WDR11: variants seen among roughly 807,000 people sequenced by gnomAD.
WDR11 encodes the protein WD repeat domain 11.
In WDR11, 83 loss-of-function variants were observed where a neutral mutation model predicts 151.2. That is an observed-to-expected ratio of 0.55 (90% CI 0.46 to 0.66). The LOEUF is 0.66. WDR11 is among the 30% of genes least tolerant of loss of function. The pLI, the probability that WDR11 is intolerant of heterozygous loss-of-function variation, is 0.00. For missense variants in WDR11, 1,301 were observed against 1,480.9 expected, an observed-to-expected ratio of 0.88 and a Z score of 1.99; for synonymous variants, 484 against 533.1, an observed-to-expected ratio of 0.91 and a Z score of 1.27.
At chr10:120,895,502 G>A (rs537197302) in intron 19 of WDR11, among the ~76,000 whole-genome samples, 1 of 151,418 alleles carries the variant, frequency 6.6e-6, no homozygotes, top group South Asian at 2.1e-4. Context: ...AGATGACTAA[G>A]TGGAAATTAA....
rs549149910 is a variant in WDR11, at chr10:120,903,927, A to G, written c.2932-120A>G. 609 of 681,012 alleles carry G rather than the reference A, an allele frequency of 8.9e-4. 7 individuals carry two copies. The South Asian group carries it at 0.01, about 12-fold the overall frequency. The allele number at this position is 681,012 out of a possible 1,614,324, so 42.2% of individuals were successfully genotyped here. On this transcript the variant is annotated intron_variant, in intron 23 of 28. Coordinates refer to ENST00000263461, the MANE Select transcript of WDR11 (RefSeq NM_018117.12). ...TGTTTGGGGTGCTGTAAAGTTGATTATCTAGTAACCTGAAAAGTCAAAGTA... is the reference window on the plus strand; with the variant it reads ...TGTTTGGGGTGCTGTAAAGTTGATTGTCTAGTAACCTGAAAAGTCAAAGTA...
At chr10:120,878,939 A>T (rs1341512873) in intron 12 of WDR11, 2 of 153,216 alleles carry the variant, frequency 1.3e-5, no homozygotes, top group African/African-American at 4.8e-5. Flanking sequence ...GATTTTGAAG[A>T]TTCTACAGTA....
intron 19 of WDR11, among the ~76,000 whole-genome samples, chr10:120,898,334 A>C (rs1847686226): frequency 6.6e-6 from 1 of 152,244 alleles, no homozygotes; most frequent in African/African-American, 2.4e-5. Flanking sequence ...TTTTCAGTTG[A>C]AAAAGTAGGC....
intron 10 of WDR11, among the ~76,000 whole-genome samples, chr10:120,872,296 A>G (rs747547874): frequency 1.3e-5 from 2 of 152,206 alleles, no homozygotes; most frequent in Admixed American, 6.5e-5. Flanking sequence ...ATGCAGATAA[A>G]TGTTTAATTT....
intron 2 of WDR11, among the ~76,000 whole-genome samples, chr10:120,857,409 C>T (rs2133728832): frequency 6.6e-6 from 1 of 152,258 alleles, no homozygotes; most frequent in Middle Eastern, 3.4e-3. Flanking sequence ...TTGACAAATA[C>T]AGAATCTATA....
intron 23 of WDR11, among the ~76,000 whole-genome samples, chr10:120,903,452 G>A (rs1847909126): frequency 6.6e-6 from 1 of 151,396 alleles, no homozygotes; most frequent in African/African-American, 2.4e-5. Context: ...GGAGGTTGCA[G>A]TGAGCTGAGA....
chr10:120,906,720 T>G lies in WDR11; in HGVS notation c.3438-56T>G, dbSNP rs1848066903. The G allele has an allele frequency of 2.5e-6, 4 of 1,613,788 alleles. No homozygotes were observed. In the Admixed American group the frequency reaches 5.0e-5, roughly 20 times the overall value. ...ATGTCTTTATACCCTTCGATGCTGC[T>G]GCCCACCAGTGATGTAAATCACAAA... On this transcript the variant is annotated intron_variant, in intron 27 of 28. Coordinates refer to ENST00000263461, the MANE Select transcript of WDR11 (RefSeq NM_018117.12).
chr10:120,858,870 T>A, intron 3 of WDR11, 74 bp downstream of exon 3: 1 of 1,549,542 alleles, frequency 6.5e-7, no homozygotes, highest in Non-Finnish European at 8.9e-7. Context: ...GTTTTGGGGG[T>A]TTTCCCCCAT....
intron 16 of WDR11, among the ~76,000 whole-genome samples, chr10:120,887,936 T>A (rs980841638): frequency 6.6e-6 from 1 of 151,654 alleles, no homozygotes; most frequent in African/African-American, 2.4e-5. Context: ...TTCTTTAATA[T>A]TTTTTTTTAT....
At position 120,908,730 on chromosome 10, in the gene WDR11, A is replaced by G. The variant is rs1431663380; in HGVS notation, c.*17A>G. ...GAAGAGTGACAGCTTAATAAATGCC[A>G]GGGAATCTGACCTGGAAGGCAGATG... On this transcript the variant is annotated 3_prime_UTR_variant, in exon 29 of 29. Coordinates refer to ENST00000263461, the MANE Select transcript of WDR11 (RefSeq NM_018117.12). 2 of 1,613,714 alleles carry G rather than the reference A, an allele frequency of 1.2e-6. No homozygotes were observed. The highest frequency in any genetic ancestry group is 2.2e-5 in the South Asian group (2 of 91,062).
At position 120,908,393 on chromosome 10, in the gene WDR11, C is replaced by T. The variant is rs116793140; in HGVS notation, c.3518-163C>T. 3.1e-3 allele frequency: 2,175 copies of T among 707,568 alleles called. 30 individuals are homozygous for T. The African/African-American group carries it at 0.033, about 11-fold the overall frequency. The allele number at this position is 707,568 out of a possible 1,614,324, so 43.8% of individuals were successfully genotyped here. A position where few individuals can be genotyped will look rare whatever the true frequency, so the allele number is the denominator to read the frequency against. ...CTATGGCCGGGAATCACCCTCTGCCCGCGAAAAGTCTCCTGTGTTCATCCT... is the reference window on the plus strand; with the variant it reads ...CTATGGCCGGGAATCACCCTCTGCCTGCGAAAAGTCTCCTGTGTTCATCCT... On this transcript the variant is annotated intron_variant, in intron 28 of 28. Transcript: ENST00000263461.
intron 28 of WDR11, among the ~76,000 whole-genome samples, chr10:120,907,142 T>C (rs887755876): frequency 5.9e-5 from 9 of 152,062 alleles, no homozygotes; most frequent in African/African-American, 1.4e-4. Context: ...AAAAAGAAGA[T>C]GAAGGAATGA....
At chr10:120,875,185 G>T (rs1254158) in intron 11 of WDR11, among the ~76,000 whole-genome samples, 8,117 of 152,158 alleles carry the variant, frequency 0.053, 275 homozygotes, top group Non-Finnish European at 0.065. Flanking sequence ...TTTCTATAAC[G>T]ATCCATCAGT....
Position 120,858,781 on chromosome 10 carries a change from G to A in WDR11, c.337G>A (p.Ala113Thr). 6.2e-7 allele frequency: 1 copy of A among 1,614,198 alleles called. No individual in the cohort carries two copies. The highest frequency in any genetic ancestry group is 8.5e-7 in the Non-Finnish European group (1 of 1,180,030). ...GVAQCEIQEH[A>T]KPIQDVQWLW... Reference sequence around the variant, plus strand: ...AGCTCAGTGTGAGATCCAAGAGCATGCCAAGCCTATCCAGGGTGAGGAAAG... The same window carrying A: ...AGCTCAGTGTGAGATCCAAGAGCATACCAAGCCTATCCAGGGTGAGGAAAG... Residue 113 changes from alanine (A) to threonine (T), a missense_variant, in exon 3 of 29, where the codon GCC (alanine) becomes ACC (threonine). Transcript: ENST00000263461.
intron 1 of WDR11, chr10:120,852,032 A>C: frequency 4.6e-6 from 1 of 218,682 alleles, no homozygotes; most frequent in Non-Finnish European, 9.2e-6. Context: ...CTTTCACTAT[A>C]AATTACTACT....
Position 120,858,754 on chromosome 10 carries a change from G to A in WDR11, c.310G>A (p.Val104Ile). The A allele has an allele frequency of 1.2e-6, 2 of 1,614,202 alleles. No homozygotes were observed. Among genetic ancestry groups the A allele is most frequent in the Non-Finnish European group, 1.7e-6 (2 of 1,180,032 alleles). The change falls in exon 3 of 29, where the codon GTA becomes ATA. Residue 104 changes from valine (V) to isoleucine (I), a missense_variant. By Grantham distance (29) the Val-to-Ile change is conservative. This residue lies in a region of WDR11 where 692 missense variants were observed against 762.5 expected (regional missense o/e 0.91). Coordinates refer to ENST00000263461, the MANE Select transcript of WDR11 (RefSeq NM_018117.12). ...CATCGTCTGGGATGTAGCAGCAGGA[G>A]TAGCTCAGTGTGAGATCCAAGAGCA... ...KIIVWDVAAG[V>I]AQCEIQEHAK...
At chr10:120,899,070 G>C (rs74158343) in intron 19 of WDR11, among the ~76,000 whole-genome samples, 7,209 of 152,220 alleles carry the variant, frequency 0.047, 581 homozygotes, top group African/African-American at 0.16. Flanking sequence ...GTGTAGGGTG[G>C]TCAGAGCAGA....
At chr10:120,884,008 T>C (rs374466683) in intron 14 of WDR11, 120 bp downstream of exon 14, 93 of 796,338 alleles carry the variant, frequency 1.2e-4, no homozygotes, top group East Asian at 8.6e-4. Flanking sequence ...TAAAAATGTG[T>C]GTTCAGAGAA....
intron 19 of WDR11, among the ~76,000 whole-genome samples, chr10:120,899,179 C>T (rs146026448): frequency 1.1e-4 from 17 of 152,200 alleles, no homozygotes; most frequent in African/African-American, 3.6e-4. Flanking sequence ...AGTAAGCCAG[C>T]TGCTGGATGT....
Sources: allele counts gnomAD v4.1 joint callset (sites outside exome capture counted in the v4.1 genomes callset), GRCh38; gene constraint gnomAD v4.1.1; regional missense constraint gnomAD v4.1.1; transcripts MANE v1.5; gene names NCBI Gene and HGNC (gene_info 2026-07-23, HGNC 2026-07-21).